Variants in TRAPPC10 observed in about 807,000 individuals in gnomAD.
TRAPPC10 encodes the protein trafficking protein particle complex subunit 10, also known as TRAPP 130 kDa subunit.
A neutral mutation model predicts 125.5 loss-of-function variants in TRAPPC10; 23 were observed. That is an observed-to-expected ratio of 0.18 (90% CI 0.13 to 0.26). The LOEUF is 0.26. Ranked by LOEUF, TRAPPC10 falls within the 10% of genes least tolerant of loss-of-function variation. TRAPPC10 has a pLI of 1.00. For missense variants in TRAPPC10, 1,123 were observed against 1,308.4 expected (o/e 0.86, Z 2.19); for synonymous variants, 509 against 518.0 (o/e 0.98, Z 0.24).
intron 1 of TRAPPC10, among the ~76,000 whole-genome samples, chr21:44,013,236 C>A (rs1601524225): frequency 6.6e-6 from 1 of 152,332 alleles, no homozygotes; most frequent in African/African-American, 2.4e-5. Flanking sequence ...CGCACCCCTC[C>A]TTTAATGCAT....
At chr21:44,081,793 C>T (rs2037763318) in intron 13 of TRAPPC10, among the ~76,000 whole-genome samples, 1 of 152,096 alleles carries the variant, frequency 6.6e-6, no homozygotes, top group South Asian at 2.1e-4. Flanking sequence ...GTAGGAGGAT[C>T]GCTTGAGCCC....
At chr21:44,083,784 G>A (rs1435284966) in intron 14 of TRAPPC10, among the ~76,000 whole-genome samples, 1 of 152,200 alleles carries the variant, frequency 6.6e-6, no homozygotes, top group Non-Finnish European at 1.5e-5. Flanking sequence ...TTGGCCTGTG[G>A]AAAGTACAGC....
chr21:44,038,963 G>A (rs56912152), intron 3 of TRAPPC10, among the ~76,000 whole-genome samples: 1 of 152,158 alleles, frequency 6.6e-6, no homozygotes, highest in South Asian at 2.1e-4. Context: ...ACCAGGCTGC[G>A]CCGTAGGCCC....
intron 1 of TRAPPC10, among the ~76,000 whole-genome samples, chr21:44,021,059 A>G (rs767775445): frequency 6.6e-6 from 1 of 152,238 alleles, no homozygotes; most frequent in African/African-American, 2.4e-5. Context: ...TTAGCATTCT[A>G]AGAATTGAGT....
intron 21 of TRAPPC10, among the ~76,000 whole-genome samples, chr21:44,101,017 G>T (rs1601857495): frequency 1.4e-5 from 1 of 71,712 alleles, no homozygotes; most frequent in African/African-American, 3.1e-5. Context: ...TTAGCTGGGC[G>T]TGGTGGCAGG....
intron 3 of TRAPPC10, among the ~76,000 whole-genome samples, chr21:44,049,201 G>A (rs1327834315): frequency 6.6e-6 from 1 of 152,142 alleles, no homozygotes; most frequent in Non-Finnish European, 1.5e-5. Flanking sequence ...ATTTACATCT[G>A]TATTTCGTGT....
In TRAPPC10 at chr21:44,012,490, G is replaced by A. The variant is rs745708447; in HGVS notation, c.-4G>A. On this transcript the variant is annotated 5_prime_UTR_variant, in exon 1 of 23. Coordinates refer to ENST00000291574, the MANE Select transcript of TRAPPC10 (RefSeq NM_003274.5). ...GGGGGCCGGGCCGGTGACGCCGGACGCCCATGGACGCCTCTGAGGAGCCGC... is the reference window on the plus strand; with the variant it reads ...GGGGGCCGGGCCGGTGACGCCGGACACCCATGGACGCCTCTGAGGAGCCGC... 3.8e-5 allele frequency: 56 copies of A among 1,482,946 alleles called. 1 individual carries two copies. The South Asian group carries it at 6.2e-4, about 16-fold the overall frequency. 91.9% of individuals were successfully genotyped at this position (1,482,946 alleles called of 1,614,324 possible).
At chr21:44,031,473 G>A (rs1029798575) in intron 1 of TRAPPC10, among the ~76,000 whole-genome samples, 29 of 152,182 alleles carry the variant, frequency 1.9e-4, no homozygotes, top group Admixed American at 1.8e-3. Context: ...TTCCTAACTC[G>A]CGTCTGCCAC....
At chr21:44,065,006 G>A (rs977379985) in intron 7 of TRAPPC10, among the ~76,000 whole-genome samples, 11 of 152,190 alleles carry the variant, frequency 7.2e-5, no homozygotes, top group African/African-American at 2.4e-4. Flanking sequence ...GGACGGGGCT[G>A]TGAGGGAACC....
intron 15 of TRAPPC10, among the ~76,000 whole-genome samples, chr21:44,086,109 G>A (rs2038110296): frequency 6.6e-6 from 1 of 152,290 alleles, no homozygotes; most frequent in East Asian, 1.9e-4. Context: ...TTCCCGCAGG[G>A]GAGCCGAAGC....
intron 1 of TRAPPC10, among the ~76,000 whole-genome samples, chr21:44,025,213 G>C (rs1601571295): frequency 1.3e-5 from 2 of 152,332 alleles, no homozygotes; most frequent in East Asian, 3.9e-4. Context: ...TGCTGCCTCA[G>C]CTCCCTCCTG....
intron 19 of TRAPPC10, 133 bp downstream of exon 19, chr21:44,092,182 G>T: frequency 8.8e-7 from 1 of 1,136,192 alleles, no homozygotes; most frequent in Non-Finnish European, 1.2e-6. Flanking sequence ...CTCCTGTGCA[G>T]CTCCTCCGGC....
Position 44,084,308 on chromosome 21 carries a change from G to C in TRAPPC10, c.2380+45G>C, listed in dbSNP as rs746691616. On this transcript the variant is annotated intron_variant, in intron 15 of 22. Transcript: ENST00000291574. Reference sequence around the variant, plus strand: ...TTTGAGGAGGCGTGCTGCTGGGGCAGTTCTGAGGAGACCTGCTGAGATGCC... The same window carrying C: ...TTTGAGGAGGCGTGCTGCTGGGGCACTTCTGAGGAGACCTGCTGAGATGCC... The C allele has an allele frequency of 3.8e-6, 6 of 1,583,936 alleles. No individual in the cohort carries two copies. In the South Asian group the frequency reaches 5.7e-5, roughly 15 times the overall value.
rs753421224 is a variant in TRAPPC10 at position 44,037,950 on chromosome 21, G to A, written c.285+23G>A. 5.0e-6 allele frequency: 8 copies of A among 1,610,170 alleles called. No individual in the cohort carries two copies. The South Asian group carries it at 8.8e-5, about 18-fold the overall frequency. On this transcript the variant is annotated intron_variant, in intron 3 of 22. Transcript: ENST00000291574. ...TGTGTGAGTACCAGCAGGGGAAGAG[G>A]ATGCGCGGTGGGATGGGGTTGGAGA...
intron 13 of TRAPPC10, among the ~76,000 whole-genome samples, chr21:44,081,017 C>CTTTTTTTTTT (rs67865929): frequency 1.9e-3 from 189 of 97,262 alleles, no homozygotes; most frequent in South Asian, 2.6e-3. Flanking sequence ...TTTTTTTTTT[C>CTTTTTTTTTT]TTTTTTTTTT....
At chr21:44,028,626 T>C (rs1459376858) in intron 1 of TRAPPC10, among the ~76,000 whole-genome samples, 1 of 152,182 alleles carries the variant, frequency 6.6e-6, no homozygotes, top group East Asian at 1.9e-4. Flanking sequence ...GGGGTGTATG[T>C]AGTGAAGTTG....
chr21:44,013,004 C>A (rs1382710187), intron 1 of TRAPPC10, among the ~76,000 whole-genome samples: 1 of 152,230 alleles, frequency 6.6e-6, no homozygotes, highest in African/African-American at 2.4e-5. Context: ...CGCAGAGTTG[C>A]AGGCGTTGGC....
chr21:44,039,023 A>G (rs1267025293), intron 3 of TRAPPC10, among the ~76,000 whole-genome samples: 1 of 152,174 alleles, frequency 6.6e-6, no homozygotes, highest in Non-Finnish European at 1.5e-5. Context: ...CTGCTGTGCC[A>G]GCTCTTCTCC....
At chr21:44,060,269 ATG>A (rs1362754347) in intron 6 of TRAPPC10, 3 of 144,950 alleles carry the variant, frequency 2.1e-5, no homozygotes, top group Non-Finnish European at 3.0e-5. Context: ...CTTATATTTT[ATG>A]TGTCTTTTTT....
Sources: allele counts gnomAD v4.1 joint callset (sites outside exome capture counted in the v4.1 genomes callset), GRCh38; gene constraint gnomAD v4.1.1; transcripts MANE v1.5; gene names NCBI Gene and HGNC (gene_info 2026-07-23, HGNC 2026-07-21).